Variants in ANO3 observed in about 807,000 individuals in gnomAD.
ANO3 encodes the protein anoctamin 3.
Under a neutral mutation model 144.8 loss-of-function variants are expected in ANO3, and 99 were observed. The ratio of observed to expected loss-of-function variants is 0.68; its 90% CI spans 0.58 to 0.81. ANO3 has a LOEUF of 0.81. Ranked by LOEUF, ANO3 falls within the 30% of genes least tolerant of loss-of-function variation. ANO3 has a pLI of 0.00. For synonymous variants in ANO3, 414 were observed against 392.6 expected, an observed-to-expected ratio of 1.05 and a Z score of -0.64; for missense variants, 905 against 1,202.2, an observed-to-expected ratio of 0.75 and a Z score of 3.66.
intron 1 of ANO3, among the ~76,000 whole-genome samples, chr11:26,208,512 C>CAAAAAAAAAAAAAAAAAAAAAAA (rs67196052): frequency 2.5e-5 from 3 of 121,678 alleles, no homozygotes; most frequent in African/African-American, 1.0e-4. Flanking sequence ...GACTCCGTCT[C>CAAAAAAAAAAAAAAAAAAAAAAA]AAAAAAAAAA....
chr11:26,312,605 G>T (rs543339993), intron 1 of ANO3, among the ~76,000 whole-genome samples: 54 of 152,284 alleles, frequency 3.5e-4, no homozygotes, highest in Admixed American at 6.5e-4. Flanking sequence ...GTGATGATGA[G>T]AATTTTTTCA....
At chr11:26,326,121 T>G (rs1269710097) in intron 1 of ANO3, among the ~76,000 whole-genome samples, 1 of 152,186 alleles carries the variant, frequency 6.6e-6, no homozygotes. Flanking sequence ...CCATTTCCTA[T>G]CAAGTAATTT....
intron 4 of ANO3, among the ~76,000 whole-genome samples, chr11:26,464,729 T>A (rs1168275200): frequency 6.6e-6 from 1 of 151,742 alleles, no homozygotes; most frequent in Non-Finnish European, 1.5e-5. Flanking sequence ...ATCCAATATA[T>A]CTTATTCTAA....
intron 3 of ANO3, among the ~76,000 whole-genome samples, chr11:26,458,031 A>T (rs867704771): frequency 6.6e-6 from 1 of 152,178 alleles, no homozygotes; most frequent in Non-Finnish European, 1.5e-5. Context: ...AAATGTTACA[A>T]TATGGGAGAA....
At chr11:26,223,369 C>T (rs1411988825) in intron 1 of ANO3, among the ~76,000 whole-genome samples, 2 of 152,042 alleles carry the variant, frequency 1.3e-5, no homozygotes, top group African/African-American at 4.8e-5. Context: ...ACCTCATAAA[C>T]CTGGCATTCA....
At chr11:26,519,941 T>C (rs961785896) in intron 6 of ANO3, among the ~76,000 whole-genome samples, 6 of 152,136 alleles carry the variant, frequency 3.9e-5, no homozygotes, top group Admixed American at 1.3e-4. Context: ...ACTTATCATA[T>C]TGCTCTTTCC....
At chr11:26,396,800 G>A (rs939634801) in intron 1 of ANO3, among the ~76,000 whole-genome samples, 18 of 151,894 alleles carry the variant, frequency 1.2e-4, no homozygotes, top group Admixed American at 5.3e-4. Flanking sequence ...TCAGGTGGTG[G>A]GGGACTAGGG....
At chr11:26,217,492 G>A (rs553128308) in intron 1 of ANO3, among the ~76,000 whole-genome samples, 12 of 152,038 alleles carry the variant, frequency 7.9e-5, no homozygotes, top group South Asian at 2.1e-4. Flanking sequence ...ATAATGATTC[G>A]AGAGTCATAG....
intron 6 of ANO3, among the ~76,000 whole-genome samples, chr11:26,517,453 A>G (rs1468384513): frequency 1.3e-5 from 2 of 152,038 alleles, no homozygotes; most frequent in African/African-American, 4.8e-5. Flanking sequence ...AGGCAAGTAA[A>G]GATTAAATAG....
chr11:26,207,295 A>G (rs533370708), intron 1 of ANO3, among the ~76,000 whole-genome samples: 1 of 152,232 alleles, frequency 6.6e-6, no homozygotes, highest in Non-Finnish European at 1.5e-5. Flanking sequence ...TCAGTTTCTT[A>G]AATGCATAGT....
Position 26,602,627 on chromosome 11 carries a change from C to T in ANO3, c.1836+2913C>T, listed in dbSNP as rs1385963018. Among the ~76,000 whole-genome samples, 3 of 147,244 alleles carry T rather than the reference C, an allele frequency of 2.0e-5. No individual in the cohort carries two copies. The East Asian group carries it at 6.0e-4, about 30-fold the overall frequency. On this transcript the variant is annotated intron_variant, in intron 17 of 26. Transcript: ENST00000256737. ...TAAAGCCAAGTGTGGTGGTGCACAC[C>T]TGTAGTCTCAACTACTCAGGAGGCT...
rs79227597 is a variant in ANO3, at chr11:26,459,376, C to G, written c.314-3654C>G. Among the ~76,000 whole-genome samples the G allele has an allele frequency of 2.0e-5, 3 of 152,096 alleles. No individual in the cohort carries two copies. In the East Asian group the frequency reaches 5.8e-4, roughly 29 times the overall value. On this transcript the variant is annotated intron_variant, in intron 3 of 26. Transcript: ENST00000256737. The stretch of plus-strand genomic sequence containing the variant: ...ATACAGGAAGATCATTTTGGAGAAT[C>G]GAATGGACTTCTGTTCATTTAATTA...
At chr11:26,577,770 C>T (rs924410130) in intron 14 of ANO3, among the ~76,000 whole-genome samples, 1 of 152,072 alleles carries the variant, frequency 6.6e-6, no homozygotes. Flanking sequence ...AAACCATGGG[C>T]TTATGACAAA....
intron 1 of ANO3, among the ~76,000 whole-genome samples, chr11:26,325,139 A>G (rs10834962): frequency 0.058 from 8,875 of 152,186 alleles, 475 homozygotes; most frequent in African/African-American, 0.14. Flanking sequence ...CCATTGTTTT[A>G]CAATAAAACC....
intron 1 of ANO3, among the ~76,000 whole-genome samples, chr11:26,335,360 A>G (rs1310653133): frequency 3.3e-5 from 5 of 152,008 alleles, no homozygotes; most frequent in Non-Finnish European, 5.9e-5. Context: ...CTTTAGTAGT[A>G]TATTGGACTC....
At chr11:26,553,735 C>T (rs1189174358) in intron 13 of ANO3, among the ~76,000 whole-genome samples, 1 of 151,996 alleles carries the variant, frequency 6.6e-6, no homozygotes, top group Non-Finnish European at 1.5e-5. Flanking sequence ...AAAAAATCCC[C>T]AAATTGCTGC....
At chr11:26,470,620 A>G (rs1859746465) in intron 4 of ANO3, among the ~76,000 whole-genome samples, 2 of 151,962 alleles carry the variant, frequency 1.3e-5, no homozygotes, top group Admixed American at 6.6e-5. Context: ...ATAATAGGAC[A>G]TGATCACAGT....
chr11:26,516,675 G>A (rs2131693), intron 5 of ANO3, 152 bp from the exon 6 acceptor site: 1 of 478,720 alleles, frequency 2.1e-6, no homozygotes, highest in East Asian at 3.3e-5. Context: ...TCTTCATTAA[G>A]ATTTTTTTTA....
chr11:26,444,504 G>A (rs1017213639), intron 3 of ANO3, among the ~76,000 whole-genome samples: 9 of 152,148 alleles, frequency 5.9e-5, no homozygotes, highest in African/African-American at 1.9e-4. Context: ...TAGATACATC[G>A]GTGGCCAGGC....
Sources: gnomAD v4.1 joint callset for allele counts (sites outside exome capture counted in the v4.1 genomes callset) on GRCh38, gnomAD v4.1.1 for gene constraint, MANE v1.5 for transcripts, NCBI Gene and HGNC (gene_info 2026-07-23, HGNC 2026-07-21) for gene names.